Variants in FBLN5 observed in about 807,000 individuals in gnomAD.
FBLN5 encodes the protein fibulin-5.
In FBLN5, 24 loss-of-function variants were observed where a neutral mutation model predicts 61.6. That is an observed-to-expected ratio of 0.39 (90% CI 0.28 to 0.55). The LOEUF (loss-of-function observed/expected upper bound fraction) is 0.55, where lower values mean the gene tolerates loss of function less well. Ranked by LOEUF, FBLN5 falls within the 20% of genes least tolerant of loss-of-function variation. The pLI is 0.65. For missense variants in FBLN5, 470 were observed against 594.1 expected, an observed-to-expected ratio of 0.79 and a Z score of 2.17; for synonymous variants, 213 against 219.8, an observed-to-expected ratio of 0.97 and a Z score of 0.27.
Position 91,937,182 on chromosome 14 carries a change from G to T in FBLN5, c.144C>A (p.Thr48=), listed in dbSNP as rs367653955. The change falls in exon 4 of 11, where the codon ACC becomes ACA. Residue 48 remains threonine (T), a synonymous_variant. Coordinates refer to ENST00000342058, the MANE Select transcript of FBLN5 (RefSeq NM_006329.4). ...GQCLDIDECR[T]IPEACRGDMM... The stretch of plus-strand genomic sequence containing the variant: ...TGTCTCCTCGGCAGGCCTCGGGGAT[G>T]GTTCGGCATTCATCAATATCTGAAA... The T allele has an allele frequency of 6.2e-7, 1 of 1,614,130 alleles. No individual in the cohort carries two copies. Among genetic ancestry groups the T allele is most frequent in the East Asian group, 2.2e-5 (1 of 44,882 alleles).
At chr14:91,904,806 C>T (rs115835296) in intron 4 of FBLN5, among the ~76,000 whole-genome samples, 1 of 152,206 alleles carries the variant, frequency 6.6e-6, no homozygotes, top group Admixed American at 6.5e-5. Flanking sequence ...TGGGCTTCAA[C>T]ATATGGATTT....
chr14:91,913,064 C>T (rs1056806534), intron 4 of FBLN5, among the ~76,000 whole-genome samples: 2 of 152,128 alleles, frequency 1.3e-5, no homozygotes, highest in African/African-American at 2.4e-5. Flanking sequence ...TGTCTTCAAA[C>T]GCCCTTTTAC....
intron 1 of FBLN5, among the ~76,000 whole-genome samples, chr14:91,944,156 CTTGT>C (rs1369330042): frequency 2.0e-5 from 3 of 152,072 alleles, no homozygotes; most frequent in African/African-American, 7.2e-5. Context: ...ATGGTGAAAC[CTTGT>C]CTCTCTACTA....
At chr14:91,934,842 C>T (rs980135419) in intron 4 of FBLN5, among the ~76,000 whole-genome samples, 1 of 152,160 alleles carries the variant, frequency 6.6e-6, no homozygotes, top group Admixed American at 6.5e-5. Flanking sequence ...TCTCTTCCAT[C>T]CCAGTTCTTG....
At position 91,908,008 on chromosome 14, in the gene FBLN5, A is replaced by C. The variant is rs113085000; in HGVS notation, c.380-12936T>G. On this transcript the variant is annotated intron_variant, in intron 4 of 10. Coordinates refer to ENST00000342058, the MANE Select transcript of FBLN5 (RefSeq NM_006329.4). ...GCCATAATAAAGTAAGCTCCCCAAAATATATTCACTGACACTAAAGGGTTG... is the reference window on the plus strand; with the variant it reads ...GCCATAATAAAGTAAGCTCCCCAAACTATATTCACTGACACTAAAGGGTTG... Among the ~76,000 whole-genome samples the C allele has an allele frequency of 5.0e-3, 755 of 152,324 alleles. 3 individuals carry two copies. Among genetic ancestry groups the C allele is most frequent in the Non-Finnish European group, 8.4e-3 (569 of 68,036 alleles).
chr14:91,946,688 A>T (rs759928317), intron 1 of FBLN5: 2 of 1,524,478 alleles, frequency 1.3e-6, no homozygotes, highest in South Asian at 2.4e-5. Flanking sequence ...ATTTCCTTAA[A>T]GAATAGCAAA....
chr14:91,918,571 C>T (rs2055669835), intron 4 of FBLN5, among the ~76,000 whole-genome samples: 1 of 152,184 alleles, frequency 6.6e-6, no homozygotes, highest in Non-Finnish European at 1.5e-5. Context: ...TGTTGACCTA[C>T]TGGGGCCAAA....
At chr14:91,946,850 G>T (rs891817514) in intron 1 of FBLN5, 45 of 1,507,640 alleles carry the variant, frequency 3.0e-5, no homozygotes, top group Non-Finnish European at 3.7e-5. Context: ...CGCAGTAATT[G>T]CTAGTGAACT....
At chr14:91,917,622 A>G (rs756433036) in intron 4 of FBLN5, among the ~76,000 whole-genome samples, 1 of 150,718 alleles carries the variant, frequency 6.6e-6, no homozygotes, top group African/African-American at 2.4e-5. Context: ...AAAACAAAAT[A>G]CGTTTAGGTA....
Position 91,937,094 on chromosome 14 carries a change from C to G in FBLN5, c.232G>C (p.Gly78Arg). 1 of 1,613,982 alleles carries G rather than the reference C, an allele frequency of 6.2e-7. No homozygotes were observed. The highest frequency in any genetic ancestry group is 8.5e-7 in the Non-Finnish European group (1 of 1,179,994). The change falls in exon 4 of 11, where the codon GGG (glycine) becomes CGG (arginine). Residue 78 changes from glycine (G) to arginine (R), a missense_variant. Gly to Arg is a moderately radical substitution (Grantham distance 125, BLOSUM62 -2). Transcript: ENST00000342058. ...GTCGAGTAGGGGTTCGAGTAGGGCC[C>G]TCGATACACAGGGTTTGTCCGGGGA... is the stretch of plus-strand genomic sequence containing the variant. ...CIPRTNPVYR[G>R]PYSNPYSTPY...
intron 6 of FBLN5, among the ~76,000 whole-genome samples, chr14:91,888,914 A>G (rs1889856691): frequency 6.6e-6 from 1 of 152,198 alleles, no homozygotes; most frequent in African/African-American, 2.4e-5. Flanking sequence ...GAGATTTTCT[A>G]TCCTCTTCCC....
In FBLN5 at chr14:91,870,216, C is replaced by A. The variant is rs751480683; in HGVS notation, c.*8G>T. ...TGAGAGGCAGCGTCGGAGGCTCCAG[C>A]CCGAGGCTCAGAATGGGTACTGCGA... On this transcript the variant is annotated 3_prime_UTR_variant, in exon 11 of 11. Coordinates refer to ENST00000342058, the MANE Select transcript of FBLN5 (RefSeq NM_006329.4). 11 of 1,613,998 alleles carry A rather than the reference C, an allele frequency of 6.8e-6. No individual in the cohort carries two copies. The highest frequency in any genetic ancestry group is 3.4e-6 in the Non-Finnish European group (4 of 1,179,838).
In FBLN5 at chr14:91,881,364, T is replaced by C; in HGVS notation, c.917A>G (p.Tyr306Cys). 1 of 1,613,938 alleles carries C rather than the reference T, an allele frequency of 6.2e-7. No individual in the cohort carries two copies. Among genetic ancestry groups the C allele is most frequent in the Non-Finnish European group, 8.5e-7 (1 of 1,179,766 alleles). The change falls in exon 9 of 11, where the codon TAC becomes TGC. Residue 306 changes from tyrosine to cysteine, a missense_variant. Transcript: ENST00000342058. ...NHTCNLQQTC[Y>C]NLQGGFKCID... The stretch of plus-strand genomic sequence containing the variant: ...GCATTTGAAGCCCCCTTGTAAATTG[T>C]AGCACGTCTGCTGCAGGTTGCACGT...
chr14:91,906,765 C>T (rs1443218336), intron 4 of FBLN5, among the ~76,000 whole-genome samples: 2 of 152,178 alleles, frequency 1.3e-5, no homozygotes, highest in African/African-American at 4.8e-5. Flanking sequence ...CCAGACCACC[C>T]TTGCCCTCCC....
At chr14:91,937,263 T>C in intron 3 of FBLN5, 62 bp from the exon 4 acceptor site, 1 of 1,609,086 alleles carries the variant, frequency 6.2e-7, no homozygotes. Context: ...CCGGTGCATA[T>C]TTAAGCAGAA....
intron 5 of FBLN5, among the ~76,000 whole-genome samples, chr14:91,892,597 A>G (rs566556677): frequency 1.3e-5 from 2 of 152,316 alleles, no homozygotes; most frequent in South Asian, 4.1e-4. Context: ...CTGAGTGCAG[A>G]GCAGCTCTTG....
chr14:91,919,817 C>T (rs1330756414), intron 4 of FBLN5, among the ~76,000 whole-genome samples: 1 of 152,226 alleles, frequency 6.6e-6, no homozygotes, highest in Non-Finnish European at 1.5e-5. Context: ...ATTGTGATCC[C>T]AGACTTCTGG....
At position 91,891,320 on chromosome 14, in the gene FBLN5, A is replaced by G. The variant is rs147213753; in HGVS notation, c.520T>C (p.Tyr174His). The G allele has an allele frequency of 7.4e-6, 12 of 1,612,356 alleles. No individual in the cohort carries two copies. The highest frequency in any genetic ancestry group is 3.3e-5 in the Admixed American group (2 of 60,008). Residue 174 changes from tyrosine to histidine, a missense_variant, in exon 6 of 11, where the codon TAT (tyrosine) becomes CAT (histidine). By Grantham distance (83) the Tyr-to-His change is moderately conservative. Transcript: ENST00000342058. ...GCACAGAGCTGCTGGCAGTAACCATAGCGACATTCATCAATGTCTGGAAAC... is the reference window on the plus strand; with the variant it reads ...GCACAGAGCTGCTGGCAGTAACCATGGCGACATTCATCAATGTCTGGAAAC... ...GQCLDIDECR[Y>H]GYCQQLCANV... is the part of the protein sequence containing the mutation.
chr14:91,945,427 G>A (rs1241145354), intron 1 of FBLN5, among the ~76,000 whole-genome samples: 1 of 152,144 alleles, frequency 6.6e-6, no homozygotes, highest in East Asian at 1.9e-4. Flanking sequence ...CTTGGCAAGG[G>A]CATGGAAAGA....
Sources: gnomAD v4.1 joint callset for allele counts (sites outside exome capture counted in the v4.1 genomes callset) on GRCh38, gnomAD v4.1.1 for gene constraint, MANE v1.5 for transcripts, NCBI Gene and HGNC (gene_info 2026-07-23, HGNC 2026-07-21) for gene names.